Variants in PRKCH observed in about 807,000 individuals in gnomAD.
PRKCH encodes the protein protein kinase C eta, also known as protein kinase C eta type.
A neutral mutation model predicts 82.5 loss-of-function variants in PRKCH; 28 were observed. The ratio of observed to expected loss-of-function variants is 0.34; its 90% CI spans 0.25 to 0.47. PRKCH has a LOEUF of 0.47. Among genes scored for constraint, PRKCH ranks in the 20% least tolerant of loss-of-function variants. PRKCH has a pLI of 1.00. For missense variants in PRKCH, 705 were observed against 881.8 expected (o/e 0.80, Z 2.54); for synonymous variants, 322 against 327.4 (o/e 0.98, Z 0.18).
chr14:61,240,053 C>T (rs2044822757), intron 1 of PRKCH, among the ~76,000 whole-genome samples: 3 of 152,134 alleles, frequency 2.0e-5, no homozygotes, highest in South Asian at 4.1e-4. Context: ...GGAGGTTTTG[C>T]CATTAGTAAC....
At chr14:61,234,109 T>C (rs1452420330) in intron 1 of PRKCH, among the ~76,000 whole-genome samples, 1 of 152,230 alleles carries the variant, frequency 6.6e-6, no homozygotes, top group African/African-American at 2.4e-5. Flanking sequence ...GCAGAATTAG[T>C]GAGCTCTTTT....
chr14:61,464,632 G>A (rs755607032), intron 9 of PRKCH, among the ~76,000 whole-genome samples: 125 of 152,284 alleles, frequency 8.2e-4, no homozygotes, highest in Non-Finnish European at 1.5e-3. Context: ...GTGAGAACAT[G>A]TGGTGTTTGA....
chr14:61,204,870 C>T (rs192618313), intron 1 of PRKCH, among the ~76,000 whole-genome samples: 1 of 151,928 alleles, frequency 6.6e-6, no homozygotes, highest in East Asian at 1.9e-4. Context: ...TGAATTATTT[C>T]TAGAGAATGA....
At chr14:61,288,745 A>T (rs1276656589) in intron 1 of PRKCH, among the ~76,000 whole-genome samples, 1 of 152,214 alleles carries the variant, frequency 6.6e-6, no homozygotes, top group East Asian at 1.9e-4. Context: ...CTCTGATGTG[A>T]TGATAGGAGC....
chr14:61,449,241 G>A lies in PRKCH; in HGVS notation c.691G>A (p.Val231Met). The stretch of plus-strand genomic sequence containing the variant: ...TACTTGCCAAAACAATATTAACAAA[G>A]TGGATTCAAAGGTAAGAGGATAGCA... ...ACTCQNNINK[V>M]DSKIAEQRFG... Residue 231 changes from valine (V) to methionine (M), a missense_variant, in exon 5 of 14, where the codon GTG (valine) becomes ATG (methionine). Physicochemically the swap from Val to Met is conservative, Grantham distance 21. Around this residue, in one of 5 missense-constraint regions of PRKCH, gnomAD observed 246 missense variants for 308.0 expected, o/e 0.80. Transcript: ENST00000332981. 1 of 1,613,212 alleles carries A rather than the reference G, an allele frequency of 6.2e-7. No homozygotes were observed. Among genetic ancestry groups the A allele is most frequent in the Non-Finnish European group, 8.5e-7 (1 of 1,179,198 alleles).
rs924706645 is a variant in PRKCH, at chr14:61,272,991, A to G, written c.-19+85323A>G. On this transcript the variant is annotated intron_variant, in intron 1 of 3. Coordinates refer to the PRKCH transcript ENST00000555185. ...GAATCAGAGGAAAGTTTAACATAAC[A>G]AAATTTTATAGCTCCTGCCCAGTAA... Among the ~76,000 whole-genome samples the G allele has an allele frequency of 3.3e-5, 5 of 152,230 alleles. No individual in the cohort carries two copies. The South Asian group carries it at 8.3e-4, about 25-fold the overall frequency.
chr14:61,284,695 C>T (rs565453983), intron 1 of PRKCH, among the ~76,000 whole-genome samples: 18 of 152,272 alleles, frequency 1.2e-4, no homozygotes, highest in Admixed American at 9.8e-4. Flanking sequence ...ATCATGTAAA[C>T]TCTTTAGTAC....
chr14:61,207,054 C>T (rs573329693), intron 1 of PRKCH, among the ~76,000 whole-genome samples: 9 of 131,334 alleles, frequency 6.9e-5, no homozygotes, highest in African/African-American at 1.1e-4. Flanking sequence ...TGCAGTGAGC[C>T]GAGATCATGC....
chr14:61,408,740 C>T (rs978523713), intron 2 of PRKCH, among the ~76,000 whole-genome samples: 8 of 152,168 alleles, frequency 5.3e-5, no homozygotes, highest in Non-Finnish European at 1.0e-4. Flanking sequence ...CTTCCATGTA[C>T]TTGGTGGTGA....
At chr14:61,526,085 A>G (rs2042962665) in intron 10 of PRKCH, among the ~76,000 whole-genome samples, 1 of 152,206 alleles carries the variant, frequency 6.6e-6, no homozygotes, top group Non-Finnish European at 1.5e-5. Flanking sequence ...GACCACGATC[A>G]TCCTCACCCC....
rs118179331 is a variant in PRKCH, at chr14:61,494,121, A to G, written c.1433+8465A>G. ...CCATGGATAGGGGCATAGGAGTCTG[A>G]AGCTCAGTAAAGAGGATGGGCTGAA... On this transcript the variant is annotated intron_variant, in intron 10 of 13. Transcript: ENST00000332981. 7.8e-3 allele frequency among the ~76,000 whole-genome samples: 1,191 copies of G among 152,230 alleles called. 17 individuals carry two copies. The highest frequency in any genetic ancestry group is 0.024 in the Middle Eastern group (7 of 294).
intron 1 of PRKCH, among the ~76,000 whole-genome samples, chr14:61,348,621 G>A (rs2046028737): frequency 1.3e-5 from 2 of 152,190 alleles, no homozygotes; most frequent in African/African-American, 2.4e-5. Context: ...CACCCACCTT[G>A]GTATGTAATT....
intron 10 of PRKCH, among the ~76,000 whole-genome samples, chr14:61,513,288 C>A (rs1311626939): frequency 6.6e-6 from 1 of 152,176 alleles, no homozygotes; most frequent in African/African-American, 2.4e-5. Context: ...GGCTACCCAG[C>A]CTTGTGCCAG....
chr14:61,264,438 C>G (rs79532097), intron 1 of PRKCH, among the ~76,000 whole-genome samples: 3 of 152,172 alleles, frequency 2.0e-5, no homozygotes, highest in Non-Finnish European at 4.4e-5. Flanking sequence ...AGCTCCAGAT[C>G]TAAGAAAGCC....
At chr14:61,462,753 G>A (rs545207683) in intron 9 of PRKCH, among the ~76,000 whole-genome samples, 1 of 152,226 alleles carries the variant, frequency 6.6e-6, no homozygotes, top group Non-Finnish European at 1.5e-5. Context: ...GGAGAATTTA[G>A]GAGTGAGAGG....
chr14:61,404,579 A>G (rs1436598347), intron 2 of PRKCH, among the ~76,000 whole-genome samples: 4 of 151,216 alleles, frequency 2.6e-5, no homozygotes, highest in Non-Finnish European at 5.9e-5. Flanking sequence ...TTCTCACAGA[A>G]CTCAAAATTT....
At position 61,281,337 on chromosome 14, in the gene PRKCH, G is replaced by A. The variant is rs1182017556; in HGVS notation, c.-19+93669G>A. 80 of 369,048 alleles carry A rather than the reference G, an allele frequency of 2.2e-4. 1 individual carries two copies. Among genetic ancestry groups the A allele is most frequent in the Non-Finnish European group, 1.5e-5 (3 of 199,706 alleles). The allele number at this position is 369,048 out of a possible 1,614,324, so 22.9% of individuals were successfully genotyped here. A position where few individuals can be genotyped will look rare whatever the true frequency, so the allele number is the denominator to read the frequency against. On this transcript the variant is annotated intron_variant, in intron 1 of 3. Coordinates refer to the PRKCH transcript ENST00000555185. ...AGTTTAGTTCCAGGCCCTACGAGCAGTGCCCACACCCTCCCAGTTCCGCCT... is the reference window on the plus strand; with the variant it reads ...AGTTTAGTTCCAGGCCCTACGAGCAATGCCCACACCCTCCCAGTTCCGCCT...
intron 1 of PRKCH, among the ~76,000 whole-genome samples, chr14:61,204,775 A>AG (rs2044509552): frequency 6.6e-6 from 1 of 151,100 alleles, no homozygotes; most frequent in Non-Finnish European, 1.5e-5. Context: ...AAAAAAAAAA[A>AG]AAAGAAAAGA....
chr14:61,334,550 C>A (rs986184892), intron 1 of PRKCH, among the ~76,000 whole-genome samples: 1 of 152,070 alleles, frequency 6.6e-6, no homozygotes, highest in African/African-American at 2.4e-5. Context: ...AGAGAAAGAG[C>A]ATTCCAAGCA....
Sources: gnomAD v4.1 joint callset for allele counts (sites outside exome capture counted in the v4.1 genomes callset) on GRCh38, gnomAD v4.1.1 for gene constraint, gnomAD v4.1.1 regional missense constraint, MANE v1.5 for transcripts, NCBI Gene and HGNC (gene_info 2026-07-23, HGNC 2026-07-21) for gene names.